The following EGF variants were observed in gnomAD, a reference collection of about 807,000 sequenced individuals.
The protein encoded by EGF is pro-epidermal growth factor.
A neutral mutation model predicts 143.8 loss-of-function variants in EGF; 95 were observed. That is an observed-to-expected ratio of 0.66 (90% CI 0.56 to 0.78). The LOEUF is 0.78. EGF is among the 30% of genes least tolerant of loss of function. The pLI is 0.00. For missense variants in EGF, 1,320 were observed against 1,470.9 expected (o/e 0.90, Z 1.68); for synonymous variants, 510 against 510.5 (o/e 1.00, Z 0.01).
intron 5 of EGF, among the ~76,000 whole-genome samples, chr4:109,958,149 C>G (rs1323748082): frequency 6.6e-6 from 1 of 152,198 alleles, no homozygotes; most frequent in Non-Finnish European, 1.5e-5. Context: ...CTCCCATATA[C>G]TTTAAATCAT....
chr4:109,928,894 A>G (rs1038432377), intron 1 of EGF, among the ~76,000 whole-genome samples: 1 of 152,138 alleles, frequency 6.6e-6, no homozygotes, highest in African/African-American at 2.4e-5. Context: ...CTAGTTTTTC[A>G]GGTTGACTTT....
chr4:109,987,689 C>A, intron 16 of EGF, 55 bp from the exon 17 acceptor site: 2 of 1,433,148 alleles, frequency 1.4e-6, no homozygotes, highest in Non-Finnish European at 2.0e-6. Flanking sequence ...AGATTAAAGT[C>A]CGTTTTCTTC....
At chr4:109,948,741 C>T (rs1743293092) in intron 5 of EGF, among the ~76,000 whole-genome samples, 1 of 152,172 alleles carries the variant, frequency 6.6e-6, no homozygotes, top group African/African-American at 2.4e-5. Context: ...CTGCCTCAGC[C>T]TCCCAAAGTG....
Position 109,988,656 on chromosome 4 carries a change from G to A in EGF, c.2681G>A (p.Gly894Asp), listed in dbSNP as rs1750502493. The change falls in exon 18 of 24, where the codon GGT (glycine) becomes GAT (aspartate). Residue 894 changes from glycine (G) to aspartate (D), a missense_variant. This residue lies in a region of EGF where 1,186 missense variants were observed against 1,313.7 expected (regional missense o/e 0.90). Coordinates refer to ENST00000265171, the MANE Select transcript of EGF (RefSeq NM_001963.6). The part of the protein sequence containing the change: ...ASSKCINTEG[G>D]YVCRCSEGYQ... ...TCCAAGTGCATCAACACCGAAGGTGGTTATGTCTGCCGGTGCTCAGAAGGC... is the reference window on the plus strand; with the variant it reads ...TCCAAGTGCATCAACACCGAAGGTGATTATGTCTGCCGGTGCTCAGAAGGC... 6.2e-7 allele frequency: 1 copy of A among 1,614,082 alleles called. No individual in the cohort carries two copies. The highest frequency in any genetic ancestry group is 8.5e-7 in the Non-Finnish European group (1 of 1,179,942).
chr4:109,960,299 A>G (rs1193180470), intron 6 of EGF, among the ~76,000 whole-genome samples: 5 of 152,202 alleles, frequency 3.3e-5, no homozygotes, highest in African/African-American at 7.2e-5. Flanking sequence ...TTCAAGGGAA[A>G]TAATACTACC....
intron 22 of EGF, among the ~76,000 whole-genome samples, 191 bp from the exon 23 acceptor site, chr4:110,007,961 A>G (rs1753530689): frequency 6.6e-6 from 1 of 152,220 alleles, no homozygotes; most frequent in South Asian, 2.1e-4. Flanking sequence ...TTTAAGACAA[A>G]GTAACACAAG....
chr4:109,990,465 T>A (rs1750778870), intron 18 of EGF, among the ~76,000 whole-genome samples: 1 of 152,104 alleles, frequency 6.6e-6, no homozygotes, highest in Non-Finnish European at 1.5e-5. Flanking sequence ...TGTGAAGGGA[T>A]GGGAGGAGTC....
intron 5 of EGF, among the ~76,000 whole-genome samples, chr4:109,954,168 C>T (rs962257036): frequency 3.3e-5 from 5 of 152,190 alleles, no homozygotes; most frequent in African/African-American, 1.2e-4. Context: ...TCTCATGTTT[C>T]AGCCTCCCAA....
intron 5 of EGF, among the ~76,000 whole-genome samples, chr4:109,950,732 C>T (rs1330451657): frequency 6.6e-6 from 1 of 152,194 alleles, no homozygotes; most frequent in African/African-American, 2.4e-5. Context: ...CAGGAACTTG[C>T]CACCTCCGTC....
intron 18 of EGF, among the ~76,000 whole-genome samples, chr4:109,992,589 A>G (rs573165315): frequency 2.6e-5 from 4 of 152,244 alleles, no homozygotes; most frequent in African/African-American, 7.2e-5. Flanking sequence ...CAGCCATCCC[A>G]TTACTGGGTA....
At chr4:109,978,906 A>T (rs1032870729) in intron 13 of EGF, among the ~76,000 whole-genome samples, 1 of 152,246 alleles carries the variant, frequency 6.6e-6, no homozygotes, top group Non-Finnish European at 1.5e-5. Context: ...TGCCACCAGT[A>T]GGGGAAGACA....
intron 13 of EGF, among the ~76,000 whole-genome samples, 186 bp from the exon 14 acceptor site, chr4:109,979,786 C>T (rs778184744): frequency 6.6e-6 from 1 of 152,152 alleles, no homozygotes; most frequent in Non-Finnish European, 1.5e-5. Flanking sequence ...TCTAAGGTGA[C>T]GTTCCCTCCT....
rs1560623273 is a variant in EGF, at chr4:109,919,318, TCTCTC to T, written c.127+5857_127+5861del. ...CTCTCTCTCTCTCTCTCTCTCTCTCTCTCTCTCTCTCTCTCTCTCTCTCATCTCTC... is the reference window on the plus strand; with the variant it reads ...CTCTCTCTCTCTCTCTCTCTCTCTCTTCTCTCTCTCTCTCTCTCATCTCTC... On this transcript the variant is annotated intron_variant, in intron 1 of 23. Coordinates refer to ENST00000265171, the MANE Select transcript of EGF (RefSeq NM_001963.6). 1.7e-3 allele frequency among the ~76,000 whole-genome samples: 200 copies of T among 114,672 alleles called. 2 individuals are homozygous for T. The highest frequency in any genetic ancestry group is 8.2e-3 in the African/African-American group (179 of 21,748). The allele number at this position is 114,672 out of a possible 152,430, so 75.2% of individuals were successfully genotyped here.
chr4:109,968,220 G>A (rs1746923498), intron 10 of EGF, among the ~76,000 whole-genome samples: 1 of 152,156 alleles, frequency 6.6e-6, no homozygotes, highest in Non-Finnish European at 1.5e-5. Context: ...TGTGGCATCT[G>A]ATTGAATATA....
At chr4:109,943,580 C>G in intron 3 of EGF, 145 bp downstream of exon 3, 1 of 890,962 alleles carries the variant, frequency 1.1e-6, no homozygotes, top group East Asian at 2.6e-5. Flanking sequence ...TTCTATAGGA[C>G]AGTTGCCTGC....
intron 5 of EGF, among the ~76,000 whole-genome samples, chr4:109,945,523 G>A (rs527975299): frequency 3.3e-5 from 5 of 152,048 alleles, no homozygotes; most frequent in Non-Finnish European, 5.9e-5. Flanking sequence ...GATTGCTTGA[G>A]GCCAGGAGTT....
chr4:109,975,324 A>G (rs1165479871), intron 12 of EGF, among the ~76,000 whole-genome samples: 1 of 152,220 alleles, frequency 6.6e-6, no homozygotes, highest in African/African-American at 2.4e-5. Context: ...AAACAAAGAT[A>G]AAAACCAACC....
chr4:109,932,378 A>ATATATATATATAT, intron 1 of EGF, among the ~76,000 whole-genome samples: 1 of 75,748 alleles, frequency 1.3e-5, no homozygotes, highest in South Asian at 4.2e-4. Context: ...TATATATATA[A>ATATATATATATAT]ATTTTTTTTT....
intron 1 of EGF, among the ~76,000 whole-genome samples, chr4:109,932,405 G>A (rs10018671): frequency 0.021 from 2,086 of 97,328 alleles, 70 homozygotes; most frequent in African/African-American, 0.078. Context: ...TTGAGACGGA[G>A]TCTCGCTCTG....
Sources: allele counts gnomAD v4.1 joint callset (sites outside exome capture counted in the v4.1 genomes callset), GRCh38; gene constraint gnomAD v4.1.1; regional missense constraint gnomAD v4.1.1; transcripts MANE v1.5; gene names NCBI Gene and HGNC (gene_info 2026-07-23, HGNC 2026-07-21).